The following DAPK2 variants were observed in gnomAD, a reference collection of about 807,000 sequenced individuals.
The protein encoded by DAPK2 is death associated protein kinase 2.
A neutral mutation model predicts 44.1 loss-of-function variants in DAPK2; 35 were observed. The observed-to-expected ratio is 0.79, with a 90% CI of 0.61 to 1.05. The LOEUF is 1.05. Ranked by LOEUF, DAPK2 falls within the 50% of genes least tolerant of loss-of-function variation. DAPK2 has a pLI of 0.00. For synonymous variants in DAPK2, 174 were observed against 182.6 expected (o/e 0.95, Z 0.38); for missense variants, 453 against 483.2 (o/e 0.94, Z 0.59).
intron 3 of DAPK2, among the ~76,000 whole-genome samples, chr15:63,969,830 G>T (rs1413171480): frequency 1.3e-5 from 2 of 152,122 alleles, no homozygotes; most frequent in Non-Finnish European, 2.9e-5. Flanking sequence ...GCAGAGTAGA[G>T]TAAGAGCTGG....
At chr15:63,945,855 C>A (rs557899026) in intron 3 of DAPK2, among the ~76,000 whole-genome samples, 1 of 152,176 alleles carries the variant, frequency 6.6e-6, no homozygotes, top group East Asian at 1.9e-4. Flanking sequence ...TAAGGCAGGA[C>A]GTGTAAAGGC....
chr15:63,932,164 TTAA>T (rs2076976650), intron 4 of DAPK2, among the ~76,000 whole-genome samples: 2 of 107,526 alleles, frequency 1.9e-5, no homozygotes, highest in African/African-American at 4.1e-5. Flanking sequence ...GAGACCCTGT[TTAA>T]AAAAAAAAAA....
At chr15:63,960,712 G>A (rs1282881424) in intron 3 of DAPK2, among the ~76,000 whole-genome samples, 2 of 152,150 alleles carry the variant, frequency 1.3e-5, no homozygotes, top group Non-Finnish European at 2.9e-5. Context: ...TGTGGTCTGA[G>A]AGACAGTTAT....
At chr15:63,976,419 C>T (rs1461201478) in intron 2 of DAPK2, among the ~76,000 whole-genome samples, 4 of 152,046 alleles carry the variant, frequency 2.6e-5, no homozygotes, top group African/African-American at 4.8e-5. Flanking sequence ...CATTGCTTTG[C>T]GTAAGAATTG....
intron 3 of DAPK2, among the ~76,000 whole-genome samples, chr15:63,942,567 A>G (rs899990688): frequency 4.6e-5 from 7 of 151,616 alleles, no homozygotes; most frequent in Admixed American, 2.6e-4. Flanking sequence ...AACAACAACA[A>G]AAAAAACAAA....
At chr15:64,039,339 CA>C (rs2080295518) in intron 1 of DAPK2, among the ~76,000 whole-genome samples, 1 of 152,212 alleles carries the variant, frequency 6.6e-6, no homozygotes, top group African/African-American at 2.4e-5. Context: ...GAGGGCATAA[CA>C]GGTGTGCAGG....
intron 6 of DAPK2, among the ~76,000 whole-genome samples, chr15:63,927,348 T>C (rs1390944887): frequency 6.6e-6 from 1 of 152,186 alleles, no homozygotes; most frequent in Non-Finnish European, 1.5e-5. Flanking sequence ...CCGTTCCTTT[T>C]CTCATGCCAT....
At chr15:63,994,792 A>G (rs543789136) in intron 1 of DAPK2, among the ~76,000 whole-genome samples, 7 of 151,676 alleles carry the variant, frequency 4.6e-5, no homozygotes, top group Non-Finnish European at 1.0e-4. Flanking sequence ...GTTTCACCAC[A>G]TTGGCCAGGC....
At chr15:63,951,957 G>A (rs975800605) in intron 3 of DAPK2, among the ~76,000 whole-genome samples, 1 of 152,158 alleles carries the variant, frequency 6.6e-6, no homozygotes, top group Non-Finnish European at 1.5e-5. Context: ...TTTGTACACA[G>A]GGCCAGGCGT....
In DAPK2 at chr15:63,923,183, G is replaced by A. The variant is rs1435519477; in HGVS notation, c.858+1633C>T. 4 of 1,535,768 alleles carry A rather than the reference G, an allele frequency of 2.6e-6. No individual in the cohort carries two copies. Among genetic ancestry groups the A allele is most frequent in the African/African-American group, 1.4e-5 (1 of 73,024 alleles). ...GGCACGGCATCCCAGGTCGACCCGA[G>A]CCACGTCTTCCACCACACAGGCAAA... On this transcript the variant is annotated intron_variant, in intron 8 of 10. Transcript: ENST00000261891. This position sits in a 1 kb window ranked among gnomAD's most constrained non-coding sequence, Gnocchi z 4.2.
intron 3 of DAPK2, among the ~76,000 whole-genome samples, chr15:63,941,347 T>A (rs1480678250): frequency 2.6e-5 from 4 of 152,244 alleles, no homozygotes; most frequent in African/African-American, 7.2e-5. Flanking sequence ...ACATTTGGCA[T>A]GCTTTCTCTT....
upstream of DAPK2, among the ~76,000 whole-genome samples, chr15:64,043,694 G>A (rs968477037): frequency 6.6e-6 from 1 of 152,214 alleles, no homozygotes; most frequent in African/African-American, 2.4e-5. Flanking sequence ...GATTTTGTAT[G>A]TGATCAAAAT....
intron 7 of DAPK2, 33 bp downstream of exon 8, chr15:63,925,908 C>G: frequency 6.2e-7 from 1 of 1,613,766 alleles, no homozygotes; most frequent in Non-Finnish European, 8.5e-7. Context: ...GGGATCAGTA[C>G]CTGAGAAACC....
chr15:64,005,223 G>T (rs2079193265), intron 1 of DAPK2, among the ~76,000 whole-genome samples: 1 of 151,952 alleles, frequency 6.6e-6, no homozygotes, highest in Non-Finnish European at 1.5e-5. Context: ...AAGCCAAGAG[G>T]CTCTTCTCAG....
intron 1 of DAPK2, among the ~76,000 whole-genome samples, chr15:64,004,276 C>G (rs2079170228): frequency 6.6e-6 from 1 of 152,170 alleles, no homozygotes; most frequent in Non-Finnish European, 1.5e-5. Context: ...AAATGAGTAG[C>G]TGGATCTAGA....
chr15:63,922,369 A>T (rs2079098799), intron 8 of DAPK2: 2 of 1,033,378 alleles, frequency 1.9e-6, no homozygotes, highest in African/African-American at 3.4e-5. Context: ...TCTACAGTCC[A>T]TAAGGTATGT....
rs1428852948 is a variant in DAPK2, at chr15:64,046,068, C to T, written c.-7+230G>A. 6.6e-6 allele frequency among the ~76,000 whole-genome samples: 1 copy of T among 152,158 alleles called. No homozygotes were observed. Among genetic ancestry groups the T allele is most frequent in the Non-Finnish European group, 1.5e-5 (1 of 68,022 alleles). On this transcript the variant is annotated intron_variant, in intron 1 of 11. Coordinates refer to the DAPK2 transcript ENST00000457488. This position sits in a 1 kb window ranked among gnomAD's most constrained non-coding sequence, Gnocchi z 5.3. ...GCCGCCTCTACCCTGTCTCCCAGGTCAAAGTGCCAGGCTCCGGAGGGCGCC... is the reference window on the plus strand; with the variant it reads ...GCCGCCTCTACCCTGTCTCCCAGGTTAAAGTGCCAGGCTCCGGAGGGCGCC...
chr15:63,911,811 C>A, intron 10 of DAPK2, 97 bp downstream of exon 11: 1 of 1,235,940 alleles, frequency 8.1e-7, no homozygotes, highest in Non-Finnish European at 1.2e-6. Flanking sequence ...AAACAGTGAA[C>A]ACCCACCTGC....
intron 1 of DAPK2, among the ~76,000 whole-genome samples, chr15:64,034,788 C>T (rs2080131100): frequency 6.6e-6 from 1 of 152,192 alleles, no homozygotes; most frequent in African/African-American, 2.4e-5. Context: ...CTTTCCTCAT[C>T]TATAAAATGG....
Sources: gnomAD v4.1 joint callset for allele counts (sites outside exome capture counted in the v4.1 genomes callset) on GRCh38, gnomAD v4.1.1 for gene constraint, Gnocchi (gnomAD v3.1) non-coding constraint, MANE v1.5 for transcripts, NCBI Gene and HGNC (gene_info 2026-07-23, HGNC 2026-07-21) for gene names.